Variants in FGF14 observed in about 807,000 individuals in gnomAD.
FGF14 encodes fibroblast growth factor homologous factor 4.
A neutral mutation model predicts 25.5 loss-of-function variants in FGF14; 5 were observed. The observed-to-expected ratio is 0.20, with a 90% CI of 0.10 to 0.41. FGF14 has a LOEUF of 0.41. FGF14 is among the 10% of genes least tolerant of loss of function. The probability of loss-of-function intolerance (pLI) is 1.00; values close to 1 mark genes in which losing one functional copy is unlikely to be tolerated. For synonymous variants in FGF14, 138 were observed against 118.3 expected (o/e 1.17, Z -1.08); for missense variants, 222 against 320.1 (o/e 0.69, Z 2.34).
intron 1 of FGF14, among the ~76,000 whole-genome samples, chr13:101,876,822 A>G (rs1176795373): frequency 6.6e-6 from 1 of 152,204 alleles, no homozygotes; most frequent in African/African-American, 2.4e-5. Flanking sequence ...ATTGTGCCTA[A>G]GTCTGCCCAT....
intron 1 of FGF14, among the ~76,000 whole-genome samples, chr13:102,137,255 A>G (rs772261886): frequency 2.6e-5 from 4 of 152,232 alleles, no homozygotes; most frequent in Middle Eastern, 3.2e-3. Context: ...CCAAAACAAG[A>G]TAACTGACAA....
chr13:101,802,364 C>T (rs2040924147), intron 3 of FGF14: 2 of 199,246 alleles, frequency 1.0e-5, no homozygotes, highest in South Asian at 9.1e-5. Flanking sequence ...GCTCAAAGCA[C>T]CCCACTAAAG....
At chr13:102,072,726 G>A (rs1332064508) in intron 1 of FGF14, among the ~76,000 whole-genome samples, 3 of 152,218 alleles carry the variant, frequency 2.0e-5, no homozygotes, top group African/African-American at 7.2e-5. Context: ...ATTCATTTAC[G>A]CTTTTGTAAA....
chr13:102,193,724 A>G (rs1378015310), intron 1 of FGF14, among the ~76,000 whole-genome samples: 1 of 152,222 alleles, frequency 6.6e-6, no homozygotes, highest in Non-Finnish European at 1.5e-5. Context: ...CAGGAAAGTC[A>G]TGAAACAAAG....
intron 1 of FGF14, among the ~76,000 whole-genome samples, chr13:102,161,645 AG>A (rs1268104796): frequency 8.2e-5 from 1 of 12,192 alleles, no homozygotes; most frequent in Non-Finnish European, 1.4e-4. Context: ...AAGAAGAAGA[AG>A]AAGAAGAAGA....
At position 102,116,739 on chromosome 13, in the gene FGF14, T is replaced by C. The variant is rs186225110; in HGVS notation, c.209-241443A>G. ...ATGATAAAAAAGTTTTAGAAACACA[T>C]AGTGGAGATGGTTGCCAAATATTCC... On this transcript the variant is annotated intron_variant, in intron 1 of 4. Coordinates refer to the FGF14 transcript ENST00000376131. Among the ~76,000 whole-genome samples the C allele has an allele frequency of 3.9e-5, 6 of 152,208 alleles. No homozygotes were observed. In the East Asian group the frequency reaches 1.2e-3, roughly 29 times the overall value.
intron 1 of FGF14, among the ~76,000 whole-genome samples, chr13:101,937,536 C>A (rs2035183231): frequency 6.6e-6 from 1 of 152,178 alleles, no homozygotes; most frequent in Admixed American, 6.5e-5. Context: ...CTTACTGACA[C>A]CTTGACCGTG....
At chr13:101,932,900 G>A (rs927341425) in intron 1 of FGF14, among the ~76,000 whole-genome samples, 2 of 151,992 alleles carry the variant, frequency 1.3e-5, no homozygotes, top group African/African-American at 4.8e-5. Context: ...AATGAATTTT[G>A]AGATCAAAAT....
intron 1 of FGF14, among the ~76,000 whole-genome samples, chr13:101,947,951 A>C (rs2035917675): frequency 6.6e-6 from 1 of 152,238 alleles, no homozygotes; most frequent in African/African-American, 2.4e-5. Context: ...CAATTCTTTC[A>C]GGACAAATAA....
chr13:102,318,083 T>C (rs1188404721), intron 1 of FGF14, among the ~76,000 whole-genome samples: 1 of 152,184 alleles, frequency 6.6e-6, no homozygotes. Context: ...GTATCTGGCA[T>C]TTTCAGTAAA....
intron 1 of FGF14, among the ~76,000 whole-genome samples, chr13:101,900,346 T>C (rs2031363260): frequency 6.6e-6 from 1 of 151,976 alleles, no homozygotes; most frequent in Non-Finnish European, 1.5e-5. Flanking sequence ...GAAATTTTAA[T>C]ACAAAAAAAT....
chr13:102,264,496 TTC>T (rs1311420650), intron 1 of FGF14, among the ~76,000 whole-genome samples: 1 of 152,142 alleles, frequency 6.6e-6, no homozygotes, highest in Non-Finnish European at 1.5e-5. Flanking sequence ...TAAAGCATAT[TTC>T]TACAAACCAA....
intron 1 of FGF14, among the ~76,000 whole-genome samples, chr13:102,091,280 G>C (rs1415921085): frequency 6.6e-6 from 1 of 152,102 alleles, no homozygotes; most frequent in Non-Finnish European, 1.5e-5. Context: ...TGCTGGGGCT[G>C]AGACCCTGCA....
intron 3 of FGF14, among the ~76,000 whole-genome samples, chr13:101,866,436 T>TCTTAAACTCTCTGTATATCAGTGTC (rs1486760944): frequency 3.3e-5 from 5 of 152,168 alleles, no homozygotes; most frequent in Non-Finnish European, 7.4e-5. Context: ...TTGGGCAGAT[T>TCTTAAACTCTCTGTATATCAGTGTC]CTTAAACTCT....
At chr13:102,105,169 A>C (rs949932856) in intron 1 of FGF14, among the ~76,000 whole-genome samples, 2 of 152,188 alleles carry the variant, frequency 1.3e-5, no homozygotes. Context: ...ATGTCAGTAA[A>C]CTAATGATTG....
At chr13:102,369,488 G>A (rs747441035) in intron 1 of FGF14, among the ~76,000 whole-genome samples, 4 of 152,192 alleles carry the variant, frequency 2.6e-5, no homozygotes, top group Admixed American at 2.6e-4. Context: ...TGCAATCAAT[G>A]TCTGTTCGAT....
chr13:102,231,826 C>A (rs1449169532), intron 1 of FGF14, among the ~76,000 whole-genome samples: 1 of 152,106 alleles, frequency 6.6e-6, no homozygotes, highest in Non-Finnish European at 1.5e-5. Flanking sequence ...TGTTTCTCCA[C>A]CTGCAAGATA....
intron 1 of FGF14, among the ~76,000 whole-genome samples, chr13:102,013,599 T>A (rs766250311): frequency 6.6e-6 from 1 of 152,192 alleles, no homozygotes; most frequent in Admixed American, 6.5e-5. Flanking sequence ...AATTCTTGAA[T>A]AACAGAATCC....
chr13:102,242,729 A>G (rs1191342870), intron 1 of FGF14, among the ~76,000 whole-genome samples: 1 of 152,094 alleles, frequency 6.6e-6, no homozygotes, highest in Non-Finnish European at 1.5e-5. Context: ...ACCACAGCAC[A>G]TGCATTATCT....
Sources: allele counts gnomAD v4.1 joint callset (sites outside exome capture counted in the v4.1 genomes callset), GRCh38; gene constraint gnomAD v4.1.1; transcripts MANE v1.5; gene names NCBI Gene and HGNC (gene_info 2026-07-23, HGNC 2026-07-21).